Variants in COL21A1 observed in about 807,000 individuals in gnomAD.
COL21A1 encodes the protein collagen type XXI alpha 1 chain.
Under a neutral mutation model 137.9 loss-of-function variants are expected in COL21A1, and 149 were observed. That is an observed-to-expected ratio of 1.08 (90% CI 0.95 to 1.24). The LOEUF (loss-of-function observed/expected upper bound fraction) is 1.24. Ranked by LOEUF, COL21A1 falls within the 50% of genes most tolerant of loss-of-function variation. COL21A1 has a pLI of 0.00. For synonymous variants in COL21A1, 456 were observed against 391.5 expected, an observed-to-expected ratio of 1.16 and a Z score of -1.95; for missense variants, 1,167 against 1,158.4, an observed-to-expected ratio of 1.01 and a Z score of -0.11.
intron 1 of COL21A1, among the ~76,000 whole-genome samples, chr6:56,211,003 G>A: frequency 6.6e-6 from 1 of 151,624 alleles, no homozygotes; most frequent in East Asian, 1.9e-4. Flanking sequence ...AAAAATGTAT[G>A]TGTGTGACAG....
At chr6:56,136,065 T>G (rs1773976214) in intron 12 of COL21A1, among the ~76,000 whole-genome samples, 2 of 152,358 alleles carry the variant, frequency 1.3e-5, no homozygotes. Flanking sequence ...ACATGTGGTT[T>G]GCACAATTTG....
chr6:56,105,058 G>A (rs555090595), intron 16 of COL21A1, among the ~76,000 whole-genome samples: 1 of 152,110 alleles, frequency 6.6e-6, no homozygotes, highest in Non-Finnish European at 1.5e-5. Flanking sequence ...GCATGCCTGC[G>A]GATGTATTAA....
intron 3 of COL21A1, among the ~76,000 whole-genome samples, chr6:56,172,811 T>C (rs1266133818): frequency 2.0e-5 from 3 of 152,190 alleles, no homozygotes; most frequent in Non-Finnish European, 4.4e-5. Flanking sequence ...AATATTTATA[T>C]GTAATTTAAT....
chr6:56,237,382 T>A (rs773302794), intron 1 of COL21A1, among the ~76,000 whole-genome samples: 1 of 152,284 alleles, frequency 6.6e-6, no homozygotes, highest in East Asian at 1.9e-4. Flanking sequence ...AACTTTATGA[T>A]AAATGCTAAT....
intron 1 of COL21A1, among the ~76,000 whole-genome samples, chr6:56,267,672 G>A (rs1274901201): frequency 8.6e-5 from 13 of 151,164 alleles, no homozygotes; most frequent in African/African-American, 2.4e-4. Flanking sequence ...AGGGAGAATC[G>A]CTTGAACCCA....
At chr6:56,113,771 A>G (rs1337277341) in intron 16 of COL21A1, among the ~76,000 whole-genome samples, 1 of 152,128 alleles carries the variant, frequency 6.6e-6, no homozygotes, top group South Asian at 2.1e-4. Flanking sequence ...GAGGTCTCCA[A>G]TTCCAGGACT....
chr6:56,166,642 A>G, intron 7 of COL21A1: 1 of 508,768 alleles, frequency 2.0e-6, no homozygotes, highest in Non-Finnish European at 3.6e-6. Context: ...CAAGAGTGAG[A>G]CTCCAAATCA....
intron 1 of COL21A1, among the ~76,000 whole-genome samples, chr6:56,284,580 A>G (rs1763859832): frequency 6.6e-6 from 1 of 152,010 alleles, no homozygotes; most frequent in South Asian, 2.1e-4. Flanking sequence ...ATAGCCTCCT[A>G]ACAGCAGTGT....
chr6:56,352,184 T>A (rs1487812502), intron 1 of COL21A1, among the ~76,000 whole-genome samples: 1 of 152,140 alleles, frequency 6.6e-6, no homozygotes, highest in African/African-American at 2.4e-5. Flanking sequence ...AATATCACAA[T>A]TTTAAATAAG....
At chr6:56,188,481 C>T (rs532106234) in intron 1 of COL21A1, among the ~76,000 whole-genome samples, 4 of 152,248 alleles carry the variant, frequency 2.6e-5, no homozygotes, top group South Asian at 2.1e-4. Context: ...AAGGCAGCAG[C>T]GCCAGTCAGG....
intron 1 of COL21A1, among the ~76,000 whole-genome samples, chr6:56,187,092 T>C (rs910386955): frequency 1.3e-5 from 2 of 152,212 alleles, no homozygotes; most frequent in Non-Finnish European, 2.9e-5. Flanking sequence ...TTTATAGTTC[T>C]GAAGGCTGGA....
In COL21A1 at chr6:56,321,412, T is replaced by C. The variant is rs1407908677; in HGVS notation, c.-39+72559A>G. ...TCATTGAGATTTTTGCATTGGCATT[T>C]GCCATTTGATATTGGAATACATTCT... On this transcript the variant is annotated intron_variant, in intron 1 of 28. Transcript: ENST00000370819. Among the ~76,000 whole-genome samples the C allele has an allele frequency of 3.3e-5, 5 of 152,340 alleles. No homozygotes were observed. In the East Asian group the frequency reaches 9.6e-4, roughly 29 times the overall value.
intron 1 of COL21A1, among the ~76,000 whole-genome samples, chr6:56,288,207 G>A (rs1039555757): frequency 3.3e-5 from 5 of 150,108 alleles, no homozygotes; most frequent in African/African-American, 4.9e-5. Context: ...ATGGAATGCT[G>A]ATAGTTTCTA....
intron 1 of COL21A1, among the ~76,000 whole-genome samples, chr6:56,299,475 T>C (rs1764233326): frequency 6.6e-6 from 1 of 152,134 alleles, no homozygotes; most frequent in Non-Finnish European, 1.5e-5. Context: ...GATAACATTA[T>C]GTAATTTTAC....
intron 1 of COL21A1, among the ~76,000 whole-genome samples, chr6:56,270,285 T>C (rs1163555550): frequency 6.6e-6 from 1 of 152,184 alleles, no homozygotes. Flanking sequence ...TCAGCTAAAA[T>C]AGACTTTAAA....
chr6:56,358,259 T>A (rs888408978), intron 1 of COL21A1, among the ~76,000 whole-genome samples: 3 of 152,166 alleles, frequency 2.0e-5, no homozygotes, highest in Non-Finnish European at 2.9e-5. Context: ...TTCTTGCTGT[T>A]GTTGTTAGGA....
intron 1 of COL21A1, among the ~76,000 whole-genome samples, chr6:56,219,216 CAA>C (rs386407160): frequency 1.5e-3 from 112 of 76,488 alleles, no homozygotes; most frequent in African/African-American, 5.1e-3. Flanking sequence ...AAACTTGCAC[CAA>C]AAAAAAAAAA....
chr6:56,064,288 C>A (rs565676763), intron 24 of COL21A1, among the ~76,000 whole-genome samples: 84 of 152,100 alleles, frequency 5.5e-4, no homozygotes, highest in African/African-American at 1.9e-3. Flanking sequence ...CCAATAACTA[C>A]CCCCAAGAAA....
In COL21A1 at chr6:56,061,129, G is replaced by A. The variant is rs1437702436; in HGVS notation, c.2206-92C>T. The A allele has an allele frequency of 9.2e-6, 9 of 978,062 alleles. No homozygotes were observed. The East Asian group carries it at 2.2e-4, about 24-fold the overall frequency. 60.6% of individuals were successfully genotyped at this position (978,062 alleles called of 1,614,324 possible). On this transcript the variant is annotated intron_variant, in intron 25 of 29. Transcript: ENST00000244728. ...GCTCGTTAAGGATGTGAATATGCAT[G>A]TATACATATGTAAATATGTAAGGTA... is the stretch of plus-strand genomic sequence containing the variant.
Sources: allele counts gnomAD v4.1 joint callset (sites outside exome capture counted in the v4.1 genomes callset), GRCh38; gene constraint gnomAD v4.1.1; transcripts MANE v1.5; gene names NCBI Gene and HGNC (gene_info 2026-07-23, HGNC 2026-07-21).